Variants in CREBRF observed in about 807,000 individuals in gnomAD.
The protein encoded by CREBRF is CREB3 regulatory factor.
In CREBRF, 5 loss-of-function variants were observed where a neutral mutation model predicts 66.1. The observed-to-expected ratio is 0.08, with a 90% CI of 0.04 to 0.16. CREBRF has a LOEUF of 0.16. Among genes scored for constraint, CREBRF ranks in the 10% least tolerant of loss-of-function variants. The pLI is 1.00. For missense variants in CREBRF, 531 were observed against 744.9 expected, an observed-to-expected ratio of 0.71 and a Z score of 3.34; for synonymous variants, 229 against 264.4, an observed-to-expected ratio of 0.87 and a Z score of 1.30.
intron 4 of CREBRF, among the ~76,000 whole-genome samples, chr5:173,104,439 G>A (rs1758701297): frequency 6.6e-6 from 1 of 152,068 alleles, no homozygotes; most frequent in African/African-American, 2.4e-5. Context: ...TCAGCACTTT[G>A]GGAGGCTGAA....
At chr5:173,121,398 C>T (rs570627332) in intron 7 of CREBRF, among the ~76,000 whole-genome samples, 67 of 151,808 alleles carry the variant, frequency 4.4e-4, no homozygotes, top group Non-Finnish European at 8.1e-4. Flanking sequence ...TCTCGGCTCA[C>T]TGCAAGCTCC....
At chr5:173,071,536 G>T (rs914929273) in intron 1 of CREBRF, among the ~76,000 whole-genome samples, 11 of 151,084 alleles carry the variant, frequency 7.3e-5, no homozygotes, top group African/African-American at 2.7e-4. Context: ...AAGAGACTAG[G>T]TCTCACTTTG....
At position 173,090,576 on chromosome 5, in the gene CREBRF, A is replaced by G. The variant is rs1758296407; in HGVS notation, c.397A>G (p.Ile133Val). The stretch of plus-strand genomic sequence containing the variant: ...TAGTCCTTACCAAGATGAAGAGGTT[A>G]TAAGTAAAACTCCAACTTTAGCTCA... ...FSSPYQDEEV[I>V]SKTPTLAQLN... Residue 133 changes from isoleucine to valine, a missense_variant, in exon 4 of 9, where the codon ATA becomes GTA. Around this residue, in one of 5 missense-constraint regions of CREBRF, gnomAD observed 133 missense variants for 215.6 expected, o/e 0.62. Transcript: ENST00000296953. This position sits in a 1 kb window ranked among gnomAD's most constrained non-coding sequence, Gnocchi z 4.5. The G allele has an allele frequency of 1.9e-6, 3 of 1,614,216 alleles. No homozygotes were observed. Among genetic ancestry groups the G allele is most frequent in the Non-Finnish European group, 1.7e-6 (2 of 1,180,034 alleles).
rs1561798112 is a variant in CREBRF at position 173,080,759 on chromosome 5, A to T, written c.-17A>T. On this transcript the variant is annotated 5_prime_UTR_variant, in exon 2 of 9. Coordinates refer to ENST00000296953, the MANE Select transcript of CREBRF (RefSeq NM_153607.3). Reference sequence around the variant, plus strand: ...AAAAGAAGTTTGGAATCGGATTCACAGGATCTGGGCTTGGAAATGCCTCAG... The same window carrying T: ...AAAAGAAGTTTGGAATCGGATTCACTGGATCTGGGCTTGGAAATGCCTCAG... 1 of 1,612,492 alleles carries T rather than the reference A, an allele frequency of 6.2e-7. No homozygotes were observed. The highest frequency in any genetic ancestry group is 1.3e-5 in the African/African-American group (1 of 74,862).
intron 8 of CREBRF, among the ~76,000 whole-genome samples, chr5:173,126,569 T>C (rs1233513976): frequency 6.6e-6 from 1 of 152,244 alleles, no homozygotes; most frequent in Non-Finnish European, 1.5e-5. Flanking sequence ...ACTCACCTTG[T>C]ATTCAATATT....
At chr5:173,071,393 A>G (rs1355803568) in intron 1 of CREBRF, among the ~76,000 whole-genome samples, 3 of 151,926 alleles carry the variant, frequency 2.0e-5, no homozygotes, top group African/African-American at 7.2e-5. Flanking sequence ...TCTTTTTAGT[A>G]GAGATGGGGT....
chr5:173,098,294 C>T (rs1208632545), intron 4 of CREBRF, among the ~76,000 whole-genome samples: 2 of 151,728 alleles, frequency 1.3e-5, no homozygotes, highest in Admixed American at 6.6e-5. Flanking sequence ...TTCAGCCATT[C>T]TCCTGCCTCA....
chr5:173,099,152 C>T (rs1758552306), intron 4 of CREBRF, among the ~76,000 whole-genome samples: 1 of 152,116 alleles, frequency 6.6e-6, no homozygotes, highest in Admixed American at 6.6e-5. Context: ...TTATGGCTTA[C>T]ATGCATCCTT....
intron 4 of CREBRF, 175 bp downstream of exon 4, chr5:173,091,576 A>T: frequency 1.4e-6 from 2 of 1,408,298 alleles, no homozygotes; most frequent in Non-Finnish European, 9.3e-7. Context: ...CTCTAAAATG[A>T]TCACTTTTGC....
intron 6 of CREBRF, 125 bp from the exon 7 acceptor site, chr5:173,112,181 A>C: frequency 3.6e-6 from 2 of 550,338 alleles, no homozygotes; most frequent in Non-Finnish European, 6.1e-6. Flanking sequence ...AAAAGGGAGG[A>C]TCACTTGCAG....
intron 4 of CREBRF, among the ~76,000 whole-genome samples, chr5:173,098,814 A>G (rs1216404265): frequency 7.3e-6 from 1 of 137,048 alleles, no homozygotes; most frequent in Non-Finnish European, 1.7e-5. Context: ...CTCTTGATAA[A>G]TCAACAAACC....
chr5:173,083,966 TC>T lies in CREBRF; in HGVS notation c.10-2532del, dbSNP rs542124037. 1.0e-3 allele frequency among the ~76,000 whole-genome samples: 155 copies of T among 152,190 alleles called. 3 individuals are homozygous for T. The South Asian group carries it at 0.031, about 31-fold the overall frequency. Reference sequence around the variant, plus strand: ...CAGTGAAAGAAGTTAGAAATTAACTTCCCAAAAAATCAGCAAATGGCAGACA... The same window carrying T: ...CAGTGAAAGAAGTTAGAAATTAACTTCCAAAAAATCAGCAAATGGCAGACA... On this transcript the variant is annotated intron_variant, in intron 2 of 8. Transcript: ENST00000296953.
chr5:173,122,572 A>T (rs1445736803), intron 7 of CREBRF, among the ~76,000 whole-genome samples: 39 of 43,924 alleles, frequency 8.9e-4, no homozygotes, highest in African/African-American at 3.6e-3. Context: ...TATTTCTTTT[A>T]TTATTATTAT....
At chr5:173,086,466 T>C in intron 2 of CREBRF, 35 bp from the exon 3 acceptor site, 1 of 1,608,658 alleles carries the variant, frequency 6.2e-7, no homozygotes, top group Non-Finnish European at 8.5e-7. Flanking sequence ...CAAAGTAGTC[T>C]TTAACTTTCT....
In CREBRF at chr5:173,134,819, C is replaced by T. The variant is rs1187468324; in HGVS notation, c.*1074C>T. ...CTGTGAATTTTATTTCTGTTTGGGT[C>T]CAATTATCTACAGAAGGAGCATCCA... On this transcript the variant is annotated 3_prime_UTR_variant, in exon 9 of 9. Coordinates refer to ENST00000296953, the MANE Select transcript of CREBRF (RefSeq NM_153607.3). 1 of 152,264 alleles carries T rather than the reference C, an allele frequency of 6.6e-6. No homozygotes were observed. The highest frequency in any genetic ancestry group is 2.4e-5 in the African/African-American group (1 of 41,380). 9.4% of individuals were successfully genotyped at this position (152,264 alleles called of 1,614,324 possible). A position where few individuals can be genotyped will look rare whatever the true frequency, so the allele number is the denominator to read the frequency against.
chr5:173,108,874 A>G (rs1347633134), intron 5 of CREBRF, 56 bp downstream of exon 5: 6 of 1,515,066 alleles, frequency 4.0e-6, no homozygotes, highest in Admixed American at 1.8e-5. Flanking sequence ...TTGAGCTACT[A>G]ATCCATAATG....
At chr5:173,124,579 GA>G (rs1561581530) in intron 8 of CREBRF, 1 of 137,728 alleles carries the variant, frequency 7.3e-6, no homozygotes, top group Non-Finnish European at 1.6e-5. Flanking sequence ...AAAAAAAAAA[GA>G]AAAAAGAAAA....
chr5:173,094,496 T>A (rs1758427368), intron 4 of CREBRF, among the ~76,000 whole-genome samples: 1 of 152,224 alleles, frequency 6.6e-6, no homozygotes, highest in South Asian at 2.1e-4. Flanking sequence ...TATGAGGTGA[T>A]ATCTCATTGT....
intron 1 of CREBRF, among the ~76,000 whole-genome samples, chr5:173,078,993 C>T (rs1467794732): frequency 6.6e-6 from 1 of 152,056 alleles, no homozygotes; most frequent in Non-Finnish European, 1.5e-5. Flanking sequence ...AGTGACTGAC[C>T]TTCTTTCTCA....
Sources: gnomAD v4.1 joint callset for allele counts (sites outside exome capture counted in the v4.1 genomes callset) on GRCh38, gnomAD v4.1.1 for gene constraint, gnomAD v4.1.1 regional missense constraint, Gnocchi (gnomAD v3.1) non-coding constraint, MANE v1.5 for transcripts, NCBI Gene and HGNC (gene_info 2026-07-23, HGNC 2026-07-21) for gene names.